Variants in TMPO observed in about 807,000 individuals in gnomAD.
TMPO encodes the protein LEM domain containing 4.
In TMPO, 22 loss-of-function variants were observed where a neutral mutation model predicts 45.4. The observed-to-expected ratio is 0.48, with a 90% CI of 0.35 to 0.69. TMPO has a LOEUF of 0.69. Ranked by LOEUF, TMPO falls within the 30% of genes least tolerant of loss-of-function variation. The pLI is 0.01. For missense variants in TMPO, 512 were observed against 548.8 expected (o/e 0.93, Z 0.67); for synonymous variants, 241 against 204.1 (o/e 1.18, Z -1.54).
Position 98,544,481 on chromosome 12 carries a change from A to G in TMPO, c.823A>G (p.Ile275Val). The change falls in exon 6 of 9, where the codon ATT (isoleucine) becomes GTT (valine). Residue 275 changes from isoleucine (I) to valine (V), a missense_variant. Transcript: ENST00000556029. ...ACATTTTCGTATAGATGGTCCAGTA[A>G]TTTCAGAGAGTACTCCCATAGCTGA... ...SEHFRIDGPVISESTPIAETI... is the reference protein window; with the variant it reads ...SEHFRIDGPVVSESTPIAETI... 3.1e-6 allele frequency: 5 copies of G among 1,613,990 alleles called. No homozygotes were observed. Among genetic ancestry groups the G allele is most frequent in the Non-Finnish European group, 4.2e-6 (5 of 1,179,924 alleles).
In TMPO at chr12:98,516,481, T is replaced by C. The variant is rs189743506; in HGVS notation, c.279+335T>C. On this transcript the variant is annotated intron_variant, in intron 1 of 8. Transcript: ENST00000556029. ...TTTAGACGGGGACTTCCGTGCCCTT[T>C]CGAAAGCTCTGGAGGGGTGGCCCCA... is the stretch of plus-strand genomic sequence containing the variant. 2,082 of 1,111,384 alleles carry C rather than the reference T, an allele frequency of 1.9e-3. 1 individual carries two copies. The highest frequency in any genetic ancestry group is 2.8e-3 in the Admixed American group (55 of 19,822). The allele number at this position is 1,111,384 out of a possible 1,614,324, so 68.8% of individuals were successfully genotyped here. A position where few individuals can be genotyped will look rare whatever the true frequency, so the allele number is the denominator to read the frequency against.
intron 4 of TMPO, among the ~76,000 whole-genome samples, chr12:98,541,364 A>G (rs1474483272): frequency 6.6e-6 from 1 of 152,192 alleles, no homozygotes; most frequent in Non-Finnish European, 1.5e-5. Context: ...GATATTTCAA[A>G]TTTATAAATA....
intron 7 of TMPO, 74 bp from the exon 8 acceptor site, chr12:98,546,285 T>G (rs1878223236): frequency 1.0e-6 from 1 of 982,052 alleles, no homozygotes; most frequent in African/African-American, 1.6e-5. Context: ...TAAAACTTAC[T>G]ATTTATGTTT....
At chr12:98,537,620 G>A (rs1357526237) in intron 4 of TMPO, 48 bp downstream of exon 4, 1 of 1,370,264 alleles carries the variant, frequency 7.3e-7, no homozygotes, top group South Asian at 1.2e-5. Context: ...ATAACCTCCT[G>A]ACAACACTAA....
chr12:98,542,861 A>T (rs1407176832), intron 4 of TMPO, among the ~76,000 whole-genome samples: 1 of 151,858 alleles, frequency 6.6e-6, no homozygotes, highest in African/African-American at 2.4e-5. Context: ...CTGTCTCAAA[A>T]AAATAAATAA....
chr12:98,537,386 T>TA, intron 3 of TMPO, 89 bp from the exon 4 acceptor site: 2 of 1,149,978 alleles, frequency 1.7e-6, no homozygotes, highest in South Asian at 1.3e-5. Context: ...TTAATGTGCC[T>TA]AAAACCAGGG....
intron 1 of TMPO, among the ~76,000 whole-genome samples, chr12:98,521,419 A>G (rs944927388): frequency 4.0e-5 from 6 of 151,698 alleles, no homozygotes; most frequent in Non-Finnish European, 8.8e-5. Flanking sequence ...GCCTATGGGG[A>G]ACATTTTTAA....
chr12:98,534,792 C>G, intron 3 of TMPO: 8 of 1,005,632 alleles, frequency 8.0e-6, no homozygotes, highest in Non-Finnish European at 9.5e-6. Flanking sequence ...TTTTCACGTT[C>G]CATAACTTGT....
chr12:98,537,370 C>A, intron 3 of TMPO, 105 bp from the exon 4 acceptor site: 1 of 904,156 alleles, frequency 1.1e-6, no homozygotes, highest in Non-Finnish European at 1.7e-6. Context: ...ACTTGTTTTT[C>A]ACCTTTTAAT....
Position 98,544,328 on chromosome 12 carries a change from A to G in TMPO, c.762A>G (p.Ser254=). The G allele has an allele frequency of 6.2e-7, 1 of 1,614,056 alleles. No homozygotes were observed. The highest frequency in any genetic ancestry group is 8.5e-7 in the Non-Finnish European group (1 of 1,179,924). Residue 254 remains serine, a synonymous_variant, in exon 5 of 9, where the codon TCA becomes TCG. Coordinates refer to ENST00000556029, the MANE Select transcript of TMPO (RefSeq NM_001032283.3). ...TAACTAGGGAATCTACAAGAGGGTCAAGAAGAACTCCAAGGAAAAGGGTGA... is the reference window on the plus strand; with the variant it reads ...TAACTAGGGAATCTACAAGAGGGTCGAGAAGAACTCCAAGGAAAAGGGTGA... ...QALTRESTRG[S]RRTPRKRVET...
Position 98,548,562 on chromosome 12 carries a change from G to C in TMPO, c.*704G>C, listed in dbSNP as rs990312310. The stretch of plus-strand genomic sequence containing the variant: ...TATTTTAGAGAATTGTTGGCTAGCT[G>C]TACATGTTTTGAAAAGCTGTTTAGC... On this transcript the variant is annotated 3_prime_UTR_variant, in exon 9 of 9. Coordinates refer to ENST00000556029, the MANE Select transcript of TMPO (RefSeq NM_001032283.3). The C allele has an allele frequency of 2.0e-5, 3 of 152,200 alleles. No individual in the cohort carries two copies. The highest frequency in any genetic ancestry group is 7.2e-5 in the African/African-American group (3 of 41,440). 9.4% of individuals were successfully genotyped at this position (152,200 alleles called of 1,614,324 possible).
rs955730999 is a variant in TMPO at position 98,538,465 on chromosome 12, G to A, written c.663+893G>A. Among the ~76,000 whole-genome samples the A allele has an allele frequency of 2.6e-5, 4 of 152,102 alleles. No individual in the cohort carries two copies. The East Asian group carries it at 7.7e-4, about 29-fold the overall frequency. ...CCTGCTGGGCTCAAGCGATTCTCCT[G>A]CCTCAGCCTCCCAAGTAGCTGGGAT... On this transcript the variant is annotated intron_variant, in intron 4 of 8. Transcript: ENST00000556029.
intron 1 of TMPO, among the ~76,000 whole-genome samples, chr12:98,519,218 G>GT (rs1165230223): frequency 6.6e-6 from 1 of 152,012 alleles, no homozygotes; most frequent in Non-Finnish European, 1.5e-5. Context: ...ATTTTGTTTT[G>GT]TTTGTTTTGT....
chr12:98,537,273 G>A (rs1367702961), intron 3 of TMPO, among the ~76,000 whole-genome samples: 1 of 152,150 alleles, frequency 6.6e-6, no homozygotes, highest in Non-Finnish European at 1.5e-5. Flanking sequence ...GGGTAAGGGA[G>A]ATAAGCAAAA....
chr12:98,546,384 G>A lies in TMPO; in HGVS notation c.1016G>A (p.Arg339Lys). ...AEVGEKTEER[R>K]VERDILKEMF... is the part of the protein sequence containing the mutation. ...GTGGGAGAAAAAACAGAGGAAAGAAGAGTAGAAAGGGATATTCTTAAGGAA... is the reference window on the plus strand; with the variant it reads ...GTGGGAGAAAAAACAGAGGAAAGAAAAGTAGAAAGGGATATTCTTAAGGAA... The change falls in exon 8 of 9, where the codon AGA (arginine) becomes AAA (lysine). Residue 339 changes from arginine to lysine, a missense_variant. By Grantham distance (26) the Arg-to-Lys change is conservative. This residue lies in a region of TMPO where 209 missense variants were observed against 235.1 expected (regional missense o/e 0.89). Transcript: ENST00000556029. 6.2e-7 allele frequency: 1 copy of A among 1,612,784 alleles called. No individual in the cohort carries two copies. The highest frequency in any genetic ancestry group is 8.5e-7 in the Non-Finnish European group (1 of 1,178,860).
In TMPO at chr12:98,516,031, C is replaced by T. The variant is rs756232510; in HGVS notation, c.164C>T (p.Ala55Val). 2.2e-5 allele frequency: 35 copies of T among 1,611,496 alleles called. No individual in the cohort carries two copies. In the African/African-American group the frequency reaches 3.3e-4, roughly 15 times the overall value. The change falls in exon 1 of 9, where the codon GCC (alanine) becomes GTC (valine). Residue 55 changes from alanine to valine, a missense_variant. Coordinates refer to ENST00000556029, the MANE Select transcript of TMPO (RefSeq NM_001032283.3). ...GCTCGCAACCGGCCGCCGCTCCCCGCCGGCACCAACAGCAAGGGGCCCCCG... is the reference window on the plus strand; with the variant it reads ...GCTCGCAACCGGCCGCCGCTCCCCGTCGGCACCAACAGCAAGGGGCCCCCG... Reference protein sequence around the residue: ...LTARNRPPLPAGTNSKGPPDF... With the variant: ...LTARNRPPLPVGTNSKGPPDF...
chr12:98,530,850 CA>C (rs1297420544), intron 2 of TMPO, among the ~76,000 whole-genome samples: 1 of 152,150 alleles, frequency 6.6e-6, no homozygotes, highest in African/African-American at 2.4e-5. Flanking sequence ...AGACTTCAGT[CA>C]AAAATAGTCA....
intron 3 of TMPO, among the ~76,000 whole-genome samples, chr12:98,536,265 AAAGT>A (rs745572097): frequency 5.3e-5 from 8 of 152,352 alleles, no homozygotes; most frequent in Non-Finnish European, 1.0e-4. Flanking sequence ...CTTCAGTAAG[AAAGT>A]AATCTAACTT....
chr12:98,531,543 T>A, intron 2 of TMPO, 137 bp from the exon 3 acceptor site: 1 of 941,760 alleles, frequency 1.1e-6, no homozygotes, highest in East Asian at 2.6e-5. Context: ...CCGCATTATA[T>A]GGTATTTTTT....
Sources: gnomAD v4.1 joint callset for allele counts (sites outside exome capture counted in the v4.1 genomes callset) on GRCh38, gnomAD v4.1.1 for gene constraint, gnomAD v4.1.1 regional missense constraint, MANE v1.5 for transcripts, NCBI Gene and HGNC (gene_info 2026-07-23, HGNC 2026-07-21) for gene names.